RTKN2: variants seen among roughly 807,000 people sequenced by gnomAD.
The protein encoded by RTKN2 is rhotekin 2, also known as rhotekin-2.
RTKN2 carries 69 observed loss-of-function variants against 71.5 expected under a neutral mutation model. The observed-to-expected ratio is 0.96, with a 90% confidence interval of 0.79 to 1.18. The LOEUF is 1.18. RTKN2 is among the 50% of genes most tolerant of loss of function. RTKN2 has a pLI of 0.00. For synonymous variants in RTKN2, 236 were observed against 236.5 expected, an observed-to-expected ratio of 1.00 and a Z score of 0.02; for missense variants, 724 against 719.7, an observed-to-expected ratio of 1.01 and a Z score of -0.07.
chr10:62,218,155 T>C (rs774687838), intron 8 of RTKN2, 40 bp downstream of exon 8: 2 of 1,256,722 alleles, frequency 1.6e-6, no homozygotes, highest in African/African-American at 1.5e-5. Context: ...AGATTTAAAG[T>C]AGAGCTACAA....
At chr10:62,233,056 C>A (rs1277597143) in intron 6 of RTKN2, among the ~76,000 whole-genome samples, 1 of 152,100 alleles carries the variant, frequency 6.6e-6, no homozygotes, top group Admixed American at 6.6e-5. Flanking sequence ...TGTAAAGGTG[C>A]ATGAAACTCC....
rs1304248847 is a variant in RTKN2, at chr10:62,195,502, G to T, written c.*2406C>A. The T allele has an allele frequency of 2.3e-6, 2 of 871,438 alleles. No individual in the cohort carries two copies. The highest frequency in any genetic ancestry group is 3.6e-5 in the African/African-American group (2 of 55,048). The allele number at this position is 871,438 out of a possible 1,614,324, so 54.0% of individuals were successfully genotyped here. Reference sequence around the variant, plus strand: ...GGAAGGAGAGACAGAAGGAAAGTGGGAAAAGGGGATGAGACAGAGAGAGAG... The same window carrying T: ...GGAAGGAGAGACAGAAGGAAAGTGGTAAAAGGGGATGAGACAGAGAGAGAG... On this transcript the variant is annotated 3_prime_UTR_variant, in exon 12 of 12. Transcript: ENST00000373789.
At chr10:62,221,093 A>G (rs1409290861) in intron 7 of RTKN2, among the ~76,000 whole-genome samples, 2 of 151,590 alleles carry the variant, frequency 1.3e-5, no homozygotes, top group African/African-American at 2.4e-5. Flanking sequence ...GTGCACAGAA[A>G]CATGTAGGTA....
intron 6 of RTKN2, among the ~76,000 whole-genome samples, chr10:62,224,892 G>C (rs1015492610): frequency 1.3e-5 from 2 of 152,140 alleles, no homozygotes; most frequent in Non-Finnish European, 2.9e-5. Context: ...TGGAAATACA[G>C]GGAGTGATGA....
chr10:62,227,043 A>G (rs187267214), intron 6 of RTKN2, among the ~76,000 whole-genome samples: 3 of 152,326 alleles, frequency 2.0e-5, no homozygotes, highest in East Asian at 3.9e-4. Flanking sequence ...ACTCACTGTG[A>G]GCACTTTAGG....
At chr10:62,214,895 C>T in intron 9 of RTKN2, 1 of 473,812 alleles carries the variant, frequency 2.1e-6, no homozygotes, top group Non-Finnish European at 3.8e-6. Context: ...TTTTCCTACT[C>T]ATTAGGAAAA....
At chr10:62,244,112 T>C (rs1564522100) in intron 3 of RTKN2, among the ~76,000 whole-genome samples, 1 of 152,218 alleles carries the variant, frequency 6.6e-6, no homozygotes, top group Non-Finnish European at 1.5e-5. Flanking sequence ...CTCAAAACAT[T>C]ATGACACTTT....
chr10:62,215,200 T>C, intron 9 of RTKN2: 1 of 600,882 alleles, frequency 1.7e-6, no homozygotes, highest in Non-Finnish European at 2.7e-6. Flanking sequence ...TCCTCAGCTA[T>C]TTAGTAAAAG....
rs1842338042 is a variant in RTKN2, at chr10:62,239,880, G to A, written c.371-115C>T. On this transcript the variant is annotated intron_variant, in intron 4 of 11. Coordinates refer to ENST00000373789, the MANE Select transcript of RTKN2 (RefSeq NM_145307.4). Reference sequence around the variant, plus strand: ...TATTAATAGATTCTTTTCATACATTGTATACTGTAACCCTTAAGTCTTACA... The same window carrying A: ...TATTAATAGATTCTTTTCATACATTATATACTGTAACCCTTAAGTCTTACA... The A allele has an allele frequency of 3.3e-5, 21 of 638,108 alleles. No individual in the cohort carries two copies. The South Asian group carries it at 3.7e-4, about 11-fold the overall frequency. The allele number at this position is 638,108 out of a possible 1,614,324, so 39.5% of individuals were successfully genotyped here. A position where few individuals can be genotyped will look rare whatever the true frequency, so the allele number is the denominator to read the frequency against.
At chr10:62,237,081 CA>C (rs896589573) in intron 5 of RTKN2, among the ~76,000 whole-genome samples, 4 of 151,774 alleles carry the variant, frequency 2.6e-5, no homozygotes. Flanking sequence ...GAATGTTAAT[CA>C]AATCATGTTA....
At chr10:62,185,619 A>G (rs1240100162) in intron 8 of RTKN2, among the ~76,000 whole-genome samples, 1 of 151,616 alleles carries the variant, frequency 6.6e-6, no homozygotes, top group Admixed American at 6.6e-5. Flanking sequence ...CTCCGTCTCA[A>G]AAAAAAAAGA....
At chr10:62,206,586 A>C (rs1357556630) in intron 9 of RTKN2, among the ~76,000 whole-genome samples, 1 of 152,118 alleles carries the variant, frequency 6.6e-6, no homozygotes, top group Non-Finnish European at 1.5e-5. Context: ...ATCACAAAAT[A>C]TAACAATCAT....
chr10:62,245,890 G>A lies in RTKN2; in HGVS notation c.316+109C>T, dbSNP rs547541753. On this transcript the variant is annotated intron_variant, in intron 3 of 11. Transcript: ENST00000373789. ...TTTTAGAACAAATATTCTGATAGAG[G>A]TATGAAAAACAAAATGAAGAGAATG... 102 of 670,856 alleles carry A rather than the reference G, an allele frequency of 1.5e-4. No individual in the cohort carries two copies. The African/African-American group carries it at 1.8e-3, about 12-fold the overall frequency. The allele number at this position is 670,856 out of a possible 1,614,324, so 41.6% of individuals were successfully genotyped here.
intron 5 of RTKN2, among the ~76,000 whole-genome samples, chr10:62,237,200 A>G (rs987291749): frequency 6.6e-6 from 1 of 151,982 alleles, no homozygotes; most frequent in Non-Finnish European, 1.5e-5. Flanking sequence ...ATTTATATGT[A>G]TCCTGTAACA....
chr10:62,198,213 A>G lies in RTKN2; in HGVS notation c.1525T>C (p.Ser509Pro), dbSNP rs1376642449. The change falls in exon 12 of 12, where the codon TCT becomes CCT. Residue 509 changes from serine (S) to proline (P), a missense_variant. Physicochemically the swap from Ser to Pro is moderately conservative, Grantham distance 74. Transcript: ENST00000373789. ...GKKRQAPLPP[S>P]DKLPFSLKSQ... is the part of the protein sequence containing the mutation. ...TTTAAGCTGAATGGAAGTTTATCAG[A>G]AGGAGGAAGGGGAGCTTGTCTCTTT... The G allele has an allele frequency of 1.2e-6, 2 of 1,613,924 alleles. No homozygotes were observed. The highest frequency in any genetic ancestry group is 2.7e-5 in the African/African-American group (2 of 74,890).
intron 9 of RTKN2, 115 bp from the exon 10 acceptor site, chr10:62,205,137 C>T (rs887579778): frequency 1.3e-6 from 1 of 767,906 alleles, no homozygotes; most frequent in Non-Finnish European, 2.0e-6. Context: ...AATCTTATTG[C>T]TGATCATTTG....
intron 1 of RTKN2, among the ~76,000 whole-genome samples, chr10:62,264,814 T>C (rs1316140007): frequency 6.8e-6 from 1 of 147,314 alleles, no homozygotes. Context: ...CCAATCAGGC[T>C]CTCTGGAGGT....
intron 1 of RTKN2, among the ~76,000 whole-genome samples, chr10:62,267,209 AAATT>A (rs1842883242): frequency 6.6e-6 from 1 of 152,198 alleles, no homozygotes; most frequent in African/African-American, 2.4e-5. Flanking sequence ...CCTGCCTAAG[AAATT>A]AAGTATTGTA....
chr10:62,261,926 C>A (rs1288659637), intron 2 of RTKN2, among the ~76,000 whole-genome samples: 1 of 152,112 alleles, frequency 6.6e-6, no homozygotes, highest in East Asian at 1.9e-4. Flanking sequence ...TTAAAATACA[C>A]CAAAATCCAG....
Sources: gnomAD v4.1 joint callset for allele counts (sites outside exome capture counted in the v4.1 genomes callset) on GRCh38, gnomAD v4.1.1 for gene constraint, MANE v1.5 for transcripts, NCBI Gene and HGNC (gene_info 2026-07-23, HGNC 2026-07-21) for gene names.